NAB1: variants seen among roughly 807,000 people sequenced by gnomAD.
NAB1 encodes NGFI-A binding protein 1.
Under a neutral mutation model 49.9 loss-of-function variants are expected in NAB1, and 25 were observed. The observed-to-expected ratio is 0.50, with a 90% CI of 0.37 to 0.70. The LOEUF is 0.70. Ranked by LOEUF, NAB1 falls within the 30% of genes least tolerant of loss-of-function variation. The pLI is 0.00. For synonymous variants in NAB1, 198 were observed against 215.6 expected (o/e 0.92, Z 0.71); for missense variants, 489 against 575.9 (o/e 0.85, Z 1.54).
chr2:190,683,743 G>A lies in NAB1; in HGVS notation c.1011G>A (p.Gly337=), dbSNP rs777200201. The A allele has an allele frequency of 8.7e-6, 14 of 1,612,026 alleles. No individual in the cohort carries two copies. The highest frequency in any genetic ancestry group is 2.7e-5 in the African/African-American group (2 of 74,842). The part of the protein sequence containing the change: ...LSPKRIKVED[G]FPDFQDSVQT... ...ACTTCTTATTTGACCCACAGGATGG[G>A]TTTCCAGATTTCCAGGATTCTGTGC... Residue 337 remains glycine, a synonymous_variant, in exon 7 of 10, where the codon GGG becomes GGA. Transcript: ENST00000337386.
Position 190,649,663 on chromosome 2 carries a change from G to C in NAB1, c.-333-183G>C, listed in dbSNP as rs1380629860. ...CCGAGTCCGTTTTGCTAACGGGGCT[G>C]GGGGCGTCACACGGCGCTCTGGGGG... On this transcript the variant is annotated intron_variant, in intron 1 of 9. Transcript: ENST00000337386. This position sits in a 1 kb window ranked among gnomAD's most constrained non-coding sequence, Gnocchi z 6.1. 6.6e-6 allele frequency: 1 copy of C among 152,092 alleles called. No homozygotes were observed. The highest frequency in any genetic ancestry group is 1.5e-5 in the Non-Finnish European group (1 of 68,098). 9.4% of individuals were successfully genotyped at this position (152,092 alleles called of 1,614,324 possible). A position where few individuals can be genotyped will look rare whatever the true frequency, so the allele number is the denominator to read the frequency against.
rs1693845129 is a variant in NAB1, at chr2:190,654,950, G to C, written c.-196-1027G>C. On this transcript the variant is annotated intron_variant, in intron 2 of 9. Transcript: ENST00000337386. This position sits in a 1 kb window ranked among gnomAD's most constrained non-coding sequence, Gnocchi z 5.6. ...GAGTAGACTTGGGAATCTGGAAGAA[G>C]GGCAGAAAATGAGAGAATGTACTTG... Among the ~76,000 whole-genome samples the C allele has an allele frequency of 6.6e-6, 1 of 152,178 alleles. No homozygotes were observed. Among genetic ancestry groups the C allele is most frequent in the Non-Finnish European group, 1.5e-5 (1 of 68,036 alleles).
chr2:190,657,878 A>C lies in NAB1; in HGVS notation c.-19-1280A>C, dbSNP rs1694010872. 6.6e-6 allele frequency among the ~76,000 whole-genome samples: 1 copy of C among 152,108 alleles called. No individual in the cohort carries two copies. Among genetic ancestry groups the C allele is most frequent in the Non-Finnish European group, 1.5e-5 (1 of 68,002 alleles). On this transcript the variant is annotated intron_variant, in intron 3 of 9. Coordinates refer to ENST00000337386, the MANE Select transcript of NAB1 (RefSeq NM_005966.4). The surrounding 1 kb of genome is among the most constrained non-coding windows in gnomAD (Gnocchi z 4.4). ...TGTCAGAGTTGAGAGTGGGTCTTCC[A>C]TTTTTCTCTGATGCACATATTCTTT...
chr2:190,664,614 T>G (rs11901480), intron 4 of NAB1, among the ~76,000 whole-genome samples: 23,814 of 111,078 alleles, frequency 0.21, 1,913 homozygotes, highest in African/African-American at 0.26. Flanking sequence ...TTTTTTTTTT[T>G]GTAGGGACAG....
At position 190,663,652 on chromosome 2, in the gene NAB1, G is replaced by A. The variant is rs116307807; in HGVS notation, c.819+3657G>A. ...TGCTATTCTTGCTTGTGCTGTACAC[G>A]TGTATATATTTGTCTCCTCTCTTAG... is the stretch of plus-strand genomic sequence containing the variant. On this transcript the variant is annotated intron_variant, in intron 4 of 9. Transcript: ENST00000337386. This position sits in a 1 kb window ranked among gnomAD's most constrained non-coding sequence, Gnocchi z 4.2. Among the ~76,000 whole-genome samples, 609 of 152,254 alleles carry A rather than the reference G, an allele frequency of 4.0e-3. 3 individuals carry two copies. Among genetic ancestry groups the A allele is most frequent in the African/African-American group, 0.014 (588 of 41,546 alleles).
chr2:190,690,011 T>TATATGTATAGTATA (rs1559258244), intron 9 of NAB1, among the ~76,000 whole-genome samples: 162 of 1,672 alleles, frequency 0.097, no homozygotes, highest in Middle Eastern at 0.33. Flanking sequence ...GATGTATACA[T>TATATGTATAGTATA]CTATACATAT....
At position 190,653,470 on chromosome 2, in the gene NAB1, G is replaced by C. The variant is rs149423545; in HGVS notation, c.-196-2507G>C. On this transcript the variant is annotated intron_variant, in intron 2 of 9. Coordinates refer to ENST00000337386, the MANE Select transcript of NAB1 (RefSeq NM_005966.4). ...AATTTTAAAGTAAAAATTGCAGGCT[G>C]TGTTGGGGGAAGGAATTTCTAGTCT... Among the ~76,000 whole-genome samples the C allele has an allele frequency of 3.8e-4, 58 of 152,316 alleles. No homozygotes were observed. The East Asian group carries it at 0.011, about 29-fold the overall frequency.
At chr2:190,687,849 A>C (rs4853515) in intron 9 of NAB1, among the ~76,000 whole-genome samples, 28,966 of 152,136 alleles carry the variant, frequency 0.19, 3,394 homozygotes, top group East Asian at 0.41. Context: ...TTGTGTTACT[A>C]CCTTTTTTGG....
At position 190,678,544 on chromosome 2, in the gene NAB1, G is replaced by T. The variant is rs1434603864; in HGVS notation, c.1006-5194G>T. On this transcript the variant is annotated intron_variant, in intron 6 of 9. Transcript: ENST00000337386. This position sits in a 1 kb window ranked among gnomAD's most constrained non-coding sequence, Gnocchi z 4.9. ...AATGACAGCATTCTTGACCCTGTGG[G>T]AGTCAGAGGTGCAAAGCATTCAGAG... 6.6e-6 allele frequency among the ~76,000 whole-genome samples: 1 copy of T among 152,186 alleles called. No individual in the cohort carries two copies. The highest frequency in any genetic ancestry group is 1.5e-5 in the Non-Finnish European group (1 of 68,026).
At chr2:190,658,042 G>C (rs112384248) in intron 3 of NAB1, among the ~76,000 whole-genome samples, 1,792 of 152,278 alleles carry the variant, frequency 0.012, 29 homozygotes, top group South Asian at 0.055. Context: ...AGGTCTCCAG[G>C]CAACTGTGAA....
rs1274846461 is a variant in NAB1 at position 190,680,684 on chromosome 2, G to A, written c.1006-3054G>A. On this transcript the variant is annotated intron_variant, in intron 6 of 9. Coordinates refer to ENST00000337386, the MANE Select transcript of NAB1 (RefSeq NM_005966.4). The surrounding 1 kb of genome is among the most constrained non-coding windows in gnomAD (Gnocchi z 5.2). ...TTCACTGAGATAGTTCCCCACGAAT[G>A]TGCTTAATATTCTCTGGTTGATTTT... 4.6e-5 allele frequency among the ~76,000 whole-genome samples: 7 copies of A among 152,210 alleles called. No individual in the cohort carries two copies. Among genetic ancestry groups the A allele is most frequent in the Non-Finnish European group, 8.8e-5 (6 of 68,030 alleles).
At position 190,679,252 on chromosome 2, in the gene NAB1, A is replaced by G. The variant is rs1340848083; in HGVS notation, c.1006-4486A>G. ...TCTTACTTTTATTTCTAAGTCATAT[A>G]TTTTGGGGACCTTAAATCTACTTTA... On this transcript the variant is annotated intron_variant, in intron 6 of 9. Transcript: ENST00000337386. The surrounding 1 kb of genome is among the most constrained non-coding windows in gnomAD (Gnocchi z 5.3). Among the ~76,000 whole-genome samples, 2 of 152,200 alleles carry G rather than the reference A, an allele frequency of 1.3e-5. No individual in the cohort carries two copies. Among genetic ancestry groups the G allele is most frequent in the Non-Finnish European group, 1.5e-5 (1 of 68,034 alleles).
At position 190,680,956 on chromosome 2, in the gene NAB1, C is replaced by A. The variant is rs186690149; in HGVS notation, c.1006-2782C>A. Among the ~76,000 whole-genome samples, 3 of 152,112 alleles carry A rather than the reference C, an allele frequency of 2.0e-5. No homozygotes were observed. Among genetic ancestry groups the A allele is most frequent in the Admixed American group, 2.0e-4 (3 of 15,272 alleles). On this transcript the variant is annotated intron_variant, in intron 6 of 9. Coordinates refer to ENST00000337386, the MANE Select transcript of NAB1 (RefSeq NM_005966.4). The surrounding 1 kb of genome is among the most constrained non-coding windows in gnomAD (Gnocchi z 5.2). ...TCTGCAAGTTAAGTACTATTGTTAT[C>A]CCCATTTTATAGATGAGAAAATAGA...
rs974669897 is a variant in NAB1 at position 190,672,959 on chromosome 2, A to C, written c.954-142A>C. On this transcript the variant is annotated intron_variant, in intron 5 of 9. Coordinates refer to ENST00000337386, the MANE Select transcript of NAB1 (RefSeq NM_005966.4). The stretch of plus-strand genomic sequence containing the variant: ...GAAAGATCTTTTCTTCATTATTTTA[A>C]TGATCATTATGAATATGTCATTTCT... The C allele has an allele frequency of 8.6e-6, 6 of 699,718 alleles. No homozygotes were observed. In the African/African-American group the frequency reaches 1.1e-4, roughly 13 times the overall value. 43.3% of individuals were successfully genotyped at this position (699,718 alleles called of 1,614,324 possible).
intron 3 of NAB1, among the ~76,000 whole-genome samples, chr2:190,658,104 C>T (rs1265035891): frequency 3.2e-4 from 48 of 152,198 alleles, no homozygotes; most frequent in Admixed American, 3.1e-3. Context: ...GAGTCTTGTT[C>T]TGTCTCTTTA....
intron 4 of NAB1, among the ~76,000 whole-genome samples, chr2:190,665,949 T>C (rs1396659863): frequency 6.6e-6 from 1 of 152,154 alleles, no homozygotes; most frequent in African/African-American, 2.4e-5. Context: ...TTTGCCTCTT[T>C]TTTCCTTCCC....
In NAB1 at chr2:190,649,869, G is replaced by A. The variant is rs1406325542; in HGVS notation, c.-310G>A. 1 of 152,238 alleles carries A rather than the reference G, an allele frequency of 6.6e-6. No homozygotes were observed. Among genetic ancestry groups the A allele is most frequent in the Non-Finnish European group, 1.5e-5 (1 of 68,056 alleles). 9.4% of individuals were successfully genotyped at this position (152,238 alleles called of 1,614,324 possible). ...AGCGGAAGGAGAGTTTTACATGGAAGTGGCTTACAGAAACTTGGCGCTGAG... is the reference window on the plus strand; with the variant it reads ...AGCGGAAGGAGAGTTTTACATGGAAATGGCTTACAGAAACTTGGCGCTGAG... On this transcript the variant is annotated 5_prime_UTR_variant, in exon 2 of 10. In the 5' UTR this introduces an upstream ATG that the reference lacks. Transcript: ENST00000337386. The surrounding 1 kb of genome is among the most constrained non-coding windows in gnomAD (Gnocchi z 6.1).
Position 190,674,264 on chromosome 2 carries a change from A to C in NAB1, c.1005+1112A>C, listed in dbSNP as rs1262845039. On this transcript the variant is annotated intron_variant, in intron 6 of 9. Coordinates refer to ENST00000337386, the MANE Select transcript of NAB1 (RefSeq NM_005966.4). This position sits in a 1 kb window ranked among gnomAD's most constrained non-coding sequence, Gnocchi z 5.7. ...TACCTTGTCTGCTGCCACACTCTCC[A>C]TTCTTACTGTGTTCCAGCCGCACTG... Among the ~76,000 whole-genome samples the C allele has an allele frequency of 6.6e-6, 1 of 151,986 alleles. No homozygotes were observed. The highest frequency in any genetic ancestry group is 2.4e-5 in the African/African-American group (1 of 41,366).
chr2:190,683,404 C>G (rs1695453744), intron 6 of NAB1, among the ~76,000 whole-genome samples: 2 of 150,330 alleles, frequency 1.3e-5, no homozygotes, highest in Non-Finnish European at 3.0e-5. Flanking sequence ...CCTTGGCCTC[C>G]CAAAGTGCTG....
Sources: allele counts gnomAD v4.1 joint callset (sites outside exome capture counted in the v4.1 genomes callset), GRCh38; gene constraint gnomAD v4.1.1; non-coding constraint Gnocchi (gnomAD v3.1); transcripts MANE v1.5; gene names NCBI Gene and HGNC (gene_info 2026-07-23, HGNC 2026-07-21).